Variants in CUEDC1 observed in about 807,000 individuals in gnomAD.
CUEDC1 encodes CUE domain containing 1.
Under a neutral mutation model 43.7 loss-of-function variants are expected in CUEDC1, and 30 were observed. The ratio of observed to expected loss-of-function variants is 0.69; its 90% CI spans 0.51 to 0.93. The LOEUF (loss-of-function observed/expected upper bound fraction) is 0.93, where lower values mean the gene tolerates loss of function less well. Among genes scored for constraint, CUEDC1 ranks in the 40% least tolerant of loss-of-function variants. The probability of loss-of-function intolerance (pLI) is 0.00; values close to 1 mark genes in which losing one functional copy is unlikely to be tolerated. For synonymous variants in CUEDC1, 223 were observed against 223.6 expected (o/e 1.00, Z 0.02); for missense variants, 486 against 549.0 (o/e 0.89, Z 1.15).
rs2074278840 is a variant in CUEDC1 at position 57,885,541 on chromosome 17, GCTCC to G, written c.20_23del (p.Arg7ProfsTer80). ...TGCCACCCCCGCCGCTGCCGCTGCTGCTCCGGCGGAACAGGCTGGTCATTTTGCG... is the reference window on the plus strand; with the variant it reads ...TGCCACCCCCGCCGCTGCCGCTGCTGGGCGGAACAGGCTGGTCATTTTGCG... On this transcript the variant is annotated frameshift_variant, in exon 2 of 11. Transcript: ENST00000577830. LOFTEE classifies it high-confidence loss of function. 1.1e-5 allele frequency: 15 copies of G among 1,377,202 alleles called. No individual in the cohort carries two copies. Among genetic ancestry groups the G allele is most frequent in the African/African-American group, 1.5e-5 (1 of 65,712 alleles). The allele number at this position is 1,377,202 out of a possible 1,614,324, so 85.3% of individuals were successfully genotyped here.
chr17:57,871,319 C>G lies in CUEDC1; in HGVS notation c.835G>C (p.Gly279Arg), dbSNP rs140715509. ...QKSKSSSVAV[G>R]NDFGFSSPVP... ...GGAGAGGAAAAGCCAAAGTCGTTTC[C>G]GACAGCCACGCTGCTGGATTTAGAT... The change falls in exon 6 of 11, where the codon GGA becomes CGA. Residue 279 changes from glycine to arginine, a missense_variant. Transcript: ENST00000577830. 1.9e-6 allele frequency: 3 copies of G among 1,614,112 alleles called. No individual in the cohort carries two copies. Among genetic ancestry groups the G allele is most frequent in the Admixed American group, 3.3e-5 (2 of 60,028 alleles).
rs146002407 is a variant in CUEDC1 at position 57,935,378 on chromosome 17, G to GACACACACACACAC, written c.-316+19833_-316+19846dup. Reference sequence around the variant, plus strand: ...TTTTAAGCTTCCCTCCCTTCCATTAGACACACACACACACACACACACACA... The same window carrying GACACACACACACAC: ...TTTTAAGCTTCCCTCCCTTCCATTAGACACACACACACACACACACACACACACACACACACACA... On this transcript the variant is annotated intron_variant, in intron 1 of 10. Coordinates refer to ENST00000577830, the MANE Select transcript of CUEDC1 (RefSeq NM_001271875.2). Among the ~76,000 whole-genome samples the GACACACACACACAC allele has an allele frequency of 7.0e-4, 99 of 142,178 alleles. No homozygotes were observed. The Middle Eastern group carries it at 0.011, about 15-fold the overall frequency. The allele number at this position is 142,178 out of a possible 152,430, so 93.3% of individuals were successfully genotyped here.
chr17:57,911,050 C>G (rs563583794), intron 1 of CUEDC1, among the ~76,000 whole-genome samples: 2 of 152,292 alleles, frequency 1.3e-5, no homozygotes, highest in South Asian at 2.1e-4. Flanking sequence ...TCCTCAGTCT[C>G]TTATGTAAAG....
intron 7 of CUEDC1, 81 bp downstream of exon 7, chr17:57,869,041 A>G: frequency 2.8e-6 from 4 of 1,424,676 alleles, no homozygotes; most frequent in Non-Finnish European, 3.9e-6. Context: ...ACATGTGCTG[A>G]GGGGCTCCCT....
At chr17:57,924,793 T>C (rs1441065393) in intron 1 of CUEDC1, among the ~76,000 whole-genome samples, 1 of 152,364 alleles carries the variant, frequency 6.6e-6, no homozygotes, top group East Asian at 1.9e-4. Flanking sequence ...TCCCTCCTGC[T>C]AGCAGTTTGG....
At chr17:57,933,726 C>T (rs1251487675) in intron 1 of CUEDC1, among the ~76,000 whole-genome samples, 2 of 152,172 alleles carry the variant, frequency 1.3e-5, no homozygotes. Context: ...GGGTCTTCAG[C>T]AGTAAACTCT....
intron 1 of CUEDC1, among the ~76,000 whole-genome samples, chr17:57,897,545 C>G (rs1215594368): frequency 6.6e-6 from 1 of 151,242 alleles, no homozygotes; most frequent in Non-Finnish European, 1.5e-5. Context: ...TGGCAGGCAC[C>G]TGTAGTCCCA....
intron 1 of CUEDC1, 49 bp from the exon 2 acceptor site, chr17:57,885,928 C>T: frequency 5.5e-6 from 1 of 181,542 alleles, no homozygotes; most frequent in East Asian, 1.4e-4. Context: ...AAAACATGAG[C>T]TCAGGGTGGC....
intron 1 of CUEDC1, among the ~76,000 whole-genome samples, chr17:57,945,847 C>A (rs901227024): frequency 6.6e-6 from 1 of 152,050 alleles, no homozygotes; most frequent in African/African-American, 2.4e-5. Context: ...TGGTGAAACA[C>A]TGTCTCTACT....
chr17:57,866,112 C>T (rs949967314), intron 10 of CUEDC1, among the ~76,000 whole-genome samples: 1 of 152,154 alleles, frequency 6.6e-6, no homozygotes. Context: ...CATGGGACAC[C>T]GTGCCCAGCC....
chr17:57,873,577 G>A lies in CUEDC1; in HGVS notation c.591+14C>T. 6.5e-7 allele frequency: 1 copy of A among 1,539,512 alleles called. No homozygotes were observed. The highest frequency in any genetic ancestry group is 8.8e-7 in the Non-Finnish European group (1 of 1,140,832). ...AAGCAGGTGGGAGTGGAAGGCGGGGGCGGCCCCTGTTACCTGTATGCTGTC... is the reference window on the plus strand; with the variant it reads ...AAGCAGGTGGGAGTGGAAGGCGGGGACGGCCCCTGTTACCTGTATGCTGTC... On this transcript the variant is annotated intron_variant, in intron 4 of 10. Transcript: ENST00000577830.
chr17:57,869,211 C>T lies in CUEDC1; in HGVS notation c.869-18G>A. Reference sequence around the variant, plus strand: ...GCCAGTTCCTGGAAGGAGACACCTGCTGAAGGCCGGCCACCGTGGCCAGCC... The same window carrying T: ...GCCAGTTCCTGGAAGGAGACACCTGTTGAAGGCCGGCCACCGTGGCCAGCC... On this transcript the variant is annotated intron_variant, in intron 6 of 10. Transcript: ENST00000577830. The T allele has an allele frequency of 1.2e-6, 2 of 1,611,918 alleles. No homozygotes were observed. Among genetic ancestry groups the T allele is most frequent in the Non-Finnish European group, 1.7e-6 (2 of 1,178,996 alleles).
At chr17:57,866,678 G>C in intron 9 of CUEDC1, 134 bp from the exon 10 acceptor site, 1 of 786,074 alleles carries the variant, frequency 1.3e-6, no homozygotes, top group South Asian at 1.7e-5. Context: ...ATCCCCCCAG[G>C]TAGACGATGC....
chr17:57,869,220 G>A (rs376505650), intron 6 of CUEDC1, 27 bp from the exon 7 acceptor site: 69 of 1,606,062 alleles, frequency 4.3e-5, no homozygotes, highest in South Asian at 2.0e-4. Context: ...GCTGAAGGCC[G>A]GCCACCGTGG....
At chr17:57,953,453 GC>G (rs1347701005) in intron 1 of CUEDC1, among the ~76,000 whole-genome samples, 1 of 152,202 alleles carries the variant, frequency 6.6e-6, no homozygotes, top group Non-Finnish European at 1.5e-5. Flanking sequence ...GACCTTAGAA[GC>G]AGTCTGCTCT....
chr17:57,881,918 G>A (rs1281357391), intron 2 of CUEDC1, among the ~76,000 whole-genome samples: 1 of 152,184 alleles, frequency 6.6e-6, no homozygotes, highest in African/African-American at 2.4e-5. Flanking sequence ...TGCAGGGCCC[G>A]AGTCCCAAGG....
intron 1 of CUEDC1, among the ~76,000 whole-genome samples, chr17:57,923,905 T>C (rs1238547976): frequency 6.6e-6 from 1 of 152,194 alleles, no homozygotes; most frequent in Non-Finnish European, 1.5e-5. Context: ...ACAGGCTCGA[T>C]GGATAAGTAA....
intron 1 of CUEDC1, among the ~76,000 whole-genome samples, chr17:57,924,497 G>T (rs187705583): frequency 3.9e-4 from 60 of 152,306 alleles, no homozygotes; most frequent in Middle Eastern, 6.8e-3. Flanking sequence ...GGAAAAGTGT[G>T]TAAATCAATA....
At chr17:57,877,820 G>T (rs1246044966) in intron 3 of CUEDC1, among the ~76,000 whole-genome samples, 1 of 150,524 alleles carries the variant, frequency 6.6e-6, no homozygotes, top group East Asian at 1.9e-4. Flanking sequence ...GGGAGGCGGA[G>T]GTTGCAGTGA....
Sources: allele counts gnomAD v4.1 joint callset (sites outside exome capture counted in the v4.1 genomes callset), GRCh38; gene constraint gnomAD v4.1.1; transcripts MANE v1.5; gene names NCBI Gene and HGNC (gene_info 2026-07-23, HGNC 2026-07-21).